ANGPTL8: variants seen among roughly 807,000 people sequenced by gnomAD.
ANGPTL8 encodes the protein angiopoietin-like protein 8.
ANGPTL8 carries 24 observed loss-of-function variants against 22.6 expected under a neutral mutation model. The observed-to-expected ratio is 1.06, with a 90% CI of 0.77 to 1.49. The LOEUF is 1.49. Among genes scored for constraint, ANGPTL8 ranks in the 40% most tolerant of loss-of-function variants. The pLI, the probability that ANGPTL8 is intolerant of heterozygous loss-of-function variation, is 0.00. For missense variants in ANGPTL8, 230 were observed against 259.6 expected, an observed-to-expected ratio of 0.89 and a Z score of 0.78; for synonymous variants, 88 against 113.4, an observed-to-expected ratio of 0.78 and a Z score of 1.42.
At chr19:11,240,427 G>A in intron 2 of ANGPTL8, 131 bp downstream of exon 2, 1 of 949,952 alleles carries the variant, frequency 1.1e-6, no homozygotes, top group Non-Finnish European at 1.5e-6. Flanking sequence ...CATGTCCCCA[G>A]ACAAAACTCA....
In ANGPTL8 at chr19:11,241,457, A is replaced by G. The variant is rs1310274964; in HGVS notation, c.472A>G (p.Lys158Glu). 1.3e-6 allele frequency: 2 copies of G among 1,550,294 alleles called. No individual in the cohort carries two copies. The highest frequency in any genetic ancestry group is 1.4e-5 in the African/African-American group (1 of 73,028). The change falls in exon 3 of 4, where the codon AAG (lysine) becomes GAG (glutamate). Residue 158 changes from lysine to glutamate, a missense_variant. Lys to Glu is a moderately conservative substitution (Grantham distance 56). Coordinates refer to ENST00000252453, the MANE Select transcript of ANGPTL8 (RefSeq NM_018687.7). ...CTGACCCCCACAGGCTCACGCTGACAAGCAGAGCCACATCCTATGGGCCCT... is the reference window on the plus strand; with the variant it reads ...CTGACCCCCACAGGCTCACGCTGACGAGCAGAGCCACATCCTATGGGCCCT... The part of the protein sequence containing the change: ...EFEVLKAHAD[K>E]QSHILWALTG...
Position 11,241,554 on chromosome 19 carries a change from G to A in ANGPTL8, c.569G>A (p.Arg190Lys), listed in dbSNP as rs772769447. The change falls in exon 3 of 4, where the codon AGA becomes AAA. Residue 190 changes from arginine to lysine, a missense_variant and splice_region_variant. Physicochemically the swap from Arg to Lys is conservative, Grantham distance 26. Transcript: ENST00000252453. ...CATCGGCTGCGACAGATCCAGGAGA[G>A]GTGAGCCTGGCAGGGGTTTGGCAGG... is the stretch of plus-strand genomic sequence containing the variant. ...QQHRLRQIQE[R>K]LHTAALPA 39 of 1,553,616 alleles carry A rather than the reference G, an allele frequency of 2.5e-5. No homozygotes were observed. The East Asian group carries it at 8.5e-4, about 34-fold the overall frequency.
Position 11,241,653 on chromosome 19 carries a change from T to C in ANGPTL8, c.570-7T>C. The C allele has an allele frequency of 1.9e-6, 3 of 1,575,506 alleles. No homozygotes were observed. The highest frequency in any genetic ancestry group is 1.7e-6 in the Non-Finnish European group (2 of 1,161,562). On this transcript the variant is annotated splice_polypyrimidine_tract_variant and splice_region_variant and intron_variant, in intron 3 of 3. Transcript: ENST00000252453. The stretch of plus-strand genomic sequence containing the variant: ...TCACCTGGGCTGAGCCACATCTCCC[T>C]CCCCAGACTCCACACAGCGGCGCTC...
intron 3 of ANGPTL8, 46 bp downstream of exon 3, chr19:11,241,600 C>A: frequency 1.3e-6 from 2 of 1,556,930 alleles, no homozygotes; most frequent in Non-Finnish European, 1.7e-6. Flanking sequence ...GGATGGGGGG[C>A]GCACAGGGCA....
chr19:11,240,967 G>A (rs370740135), intron 2 of ANGPTL8, among the ~76,000 whole-genome samples: 36 of 151,962 alleles, frequency 2.4e-4, no homozygotes, highest in African/African-American at 8.0e-4. Flanking sequence ...TATGATGGCC[G>A]GGCATGGTGG....
In ANGPTL8 at chr19:11,239,865, C is replaced by T. The variant is rs2079913671; in HGVS notation, c.228C>T (p.Leu76=). 5 of 1,598,324 alleles carry T rather than the reference C, an allele frequency of 3.1e-6. No homozygotes were observed. Among genetic ancestry groups the T allele is most frequent in the Middle Eastern group, 3.3e-4 (2 of 6,042 alleles). The change falls in exon 1 of 4, where the codon CTC becomes CTT. Residue 76 remains leucine (L), a synonymous_variant. Transcript: ENST00000252453. ...GTCTCTATGGCCGCACAATAGAACT[C>T]CTGGGGCAGGAGGTCAGCCGGGGCC... The part of the protein sequence containing the change: ...SLGLYGRTIE[L]LGQEVSRGRD...
Position 11,240,161 on chromosome 19 carries a change from G to A in ANGPTL8, c.324G>A (p.Gln108=). 1.3e-6 allele frequency: 2 copies of A among 1,552,106 alleles called. No homozygotes were observed. The highest frequency in any genetic ancestry group is 1.7e-6 in the Non-Finnish European group (2 of 1,147,282). ...TQMEEDILQL[Q]AEATAEVLGE... is the part of the protein sequence containing the mutation. ...TGGAGGAGGATATTCTGCAGCTGCAGGCAGAGGCCACAGCTGAGGTGCTGG... is the reference window on the plus strand; with the variant it reads ...TGGAGGAGGATATTCTGCAGCTGCAAGCAGAGGCCACAGCTGAGGTGCTGG... Residue 108 remains glutamine (Q), a synonymous_variant, in exon 2 of 4, where the codon CAG becomes CAA. Coordinates refer to ENST00000252453, the MANE Select transcript of ANGPTL8 (RefSeq NM_018687.7).
chr19:11,240,552 G>A (rs1341118792), intron 2 of ANGPTL8, among the ~76,000 whole-genome samples: 2 of 151,994 alleles, frequency 1.3e-5, no homozygotes, highest in African/African-American at 4.8e-5. Flanking sequence ...TTCAGCATGG[G>A]GCGGGCACAC....
chr19:11,240,924 A>G (rs1326869372), intron 2 of ANGPTL8, among the ~76,000 whole-genome samples: 1 of 151,868 alleles, frequency 6.6e-6, no homozygotes, highest in Non-Finnish European at 1.5e-5. Flanking sequence ...CCCAGTAAGT[A>G]CCCAGCACTG....
At position 11,239,734 on chromosome 19, in the gene ANGPTL8, G is replaced by C; in HGVS notation, c.97G>C (p.Glu33Gln). The C allele has an allele frequency of 6.2e-7, 1 of 1,613,254 alleles. No homozygotes were observed. The highest frequency in any genetic ancestry group is 1.1e-5 in the South Asian group (1 of 90,992). ...GGGCGGCCCAGAACTGGCACAGCAT[G>C]AGGAGCTGACCCTGCTCTTCCATGG... The part of the protein sequence containing the change: ...PMGGPELAQH[E>Q]ELTLLFHGTL... Residue 33 changes from glutamate (E) to glutamine (Q), a missense_variant, in exon 1 of 4, where the codon GAG (glutamate) becomes CAG (glutamine). Glu to Gln is a conservative substitution (Grantham distance 29). Transcript: ENST00000252453.
intron 1 of ANGPTL8, 26 bp downstream of exon 1, chr19:11,239,960 G>A (rs1195432395): frequency 1.3e-6 from 2 of 1,562,144 alleles, no homozygotes; most frequent in African/African-American, 1.4e-5. Context: ...GCGACACTGT[G>A]GGGTGGCCAG....
At position 11,241,675 on chromosome 19, in the gene ANGPTL8, G is replaced by A. The variant is rs747632185; in HGVS notation, c.585G>A (p.Ala195=). The change falls in exon 4 of 4, where the codon GCG becomes GCA. Residue 195 remains alanine (A), a synonymous_variant. Transcript: ENST00000252453. ...RQIQERLHTA[A]LPA Reference sequence around the variant, plus strand: ...CCCTCCCCAGACTCCACACAGCGGCGCTCCCAGCCTGAATCTGCCTGGATG... The same window carrying A: ...CCCTCCCCAGACTCCACACAGCGGCACTCCCAGCCTGAATCTGCCTGGATG... The A allele has an allele frequency of 1.1e-5, 18 of 1,583,118 alleles. No individual in the cohort carries two copies. The highest frequency in any genetic ancestry group is 2.3e-5 in the South Asian group (2 of 86,036).
In ANGPTL8 at chr19:11,240,273, T is replaced by A. The variant is rs2147842461; in HGVS notation, c.436T>A (p.Tyr146Asn). ...GAGGAGCGCCTGGCTGGGCCCTGCC[T>A]ACCGAGAATTTGAGGTCTTAAAGGT... ...QLRSAWLGPA[Y>N]REFEVLKAHA... Residue 146 changes from tyrosine to asparagine, a missense_variant, in exon 2 of 4, where the codon TAC (tyrosine) becomes AAC (asparagine). Coordinates refer to ENST00000252453, the MANE Select transcript of ANGPTL8 (RefSeq NM_018687.7). 1 of 1,582,108 alleles carries A rather than the reference T, an allele frequency of 6.3e-7. No homozygotes were observed. Among genetic ancestry groups the A allele is most frequent in the South Asian group, 1.2e-5 (1 of 86,604 alleles).
At chr19:11,240,057 G>A in intron 1 of ANGPTL8, 78 bp from the exon 2 acceptor site, 2 of 1,548,680 alleles carry the variant, frequency 1.3e-6, no homozygotes, top group Non-Finnish European at 1.7e-6. Flanking sequence ...AAGATTTTCA[G>A]CGATAAACTC....
Position 11,239,855 on chromosome 19 carries a change from C to T in ANGPTL8, c.218C>T (p.Thr73Ile), listed in dbSNP as rs906765465. The change falls in exon 1 of 4, where the codon ACA becomes ATA. Residue 73 changes from threonine (T) to isoleucine (I), a missense_variant. Transcript: ENST00000252453. The stretch of plus-strand genomic sequence containing the variant: ...AACAGCCTGGGTCTCTATGGCCGCA[C>T]AATAGAACTCCTGGGGCAGGAGGTC... ...ARNSLGLYGR[T>I]IELLGQEVSR... is the part of the protein sequence containing the mutation. The T allele has an allele frequency of 3.8e-6, 6 of 1,599,140 alleles. No homozygotes were observed. The highest frequency in any genetic ancestry group is 5.1e-6 in the Non-Finnish European group (6 of 1,173,332).
In ANGPTL8 at chr19:11,241,799, G is replaced by C; in HGVS notation, c.*112G>C. ...GTTCACTGGGATCAGCCAGGGCGCC[G>C]GGCCCCACTTCTGAGCACAGAGCAG... On this transcript the variant is annotated 3_prime_UTR_variant, in exon 4 of 4. Transcript: ENST00000252453. 1 of 1,508,146 alleles carries C rather than the reference G, an allele frequency of 6.6e-7. No homozygotes were observed. The highest frequency in any genetic ancestry group is 9.0e-7 in the Non-Finnish European group (1 of 1,110,574). 93.4% of individuals were successfully genotyped at this position (1,508,146 alleles called of 1,614,324 possible).
rs2079949958 is a variant in ANGPTL8, at chr19:11,241,795, C to T, written c.*108C>T. On this transcript the variant is annotated 3_prime_UTR_variant, in exon 4 of 4. Transcript: ENST00000252453. Reference sequence around the variant, plus strand: ...GCCTGTTCACTGGGATCAGCCAGGGCGCCGGGCCCCACTTCTGAGCACAGA... The same window carrying T: ...GCCTGTTCACTGGGATCAGCCAGGGTGCCGGGCCCCACTTCTGAGCACAGA... The T allele has an allele frequency of 7.3e-6, 11 of 1,511,300 alleles. No homozygotes were observed. Among genetic ancestry groups the T allele is most frequent in the Middle Eastern group, 3.4e-4 (2 of 5,852 alleles). The allele number at this position is 1,511,300 out of a possible 1,614,324, so 93.6% of individuals were successfully genotyped here. A position where few individuals can be genotyped will look rare whatever the true frequency, so the allele number is the denominator to read the frequency against.
Position 11,241,440 on chromosome 19 carries a change from C to G in ANGPTL8, c.460-5C>G, listed in dbSNP as rs1229152279. Reference sequence around the variant, plus strand: ...CGGCTGAGGTTTCCATTCTGACCCCCACAGGCTCACGCTGACAAGCAGAGC... The same window carrying G: ...CGGCTGAGGTTTCCATTCTGACCCCGACAGGCTCACGCTGACAAGCAGAGC... On this transcript the variant is annotated splice_region_variant and splice_polypyrimidine_tract_variant and intron_variant, in intron 2 of 3. Coordinates refer to ENST00000252453, the MANE Select transcript of ANGPTL8 (RefSeq NM_018687.7). 6.5e-7 allele frequency: 1 copy of G among 1,544,280 alleles called. No individual in the cohort carries two copies. Among genetic ancestry groups the G allele is most frequent in the African/African-American group, 1.4e-5 (1 of 72,986 alleles).
intron 2 of ANGPTL8, 23 bp downstream of exon 2, chr19:11,240,319 G>C: frequency 6.5e-7 from 1 of 1,529,104 alleles, no homozygotes; most frequent in Non-Finnish European, 8.8e-7. Flanking sequence ...CCCAACCCTA[G>C]TGGGCTGAGA....
Sources: gnomAD v4.1 joint callset for allele counts (sites outside exome capture counted in the v4.1 genomes callset) on GRCh38, gnomAD v4.1.1 for gene constraint, MANE v1.5 for transcripts, NCBI Gene and HGNC (gene_info 2026-07-23, HGNC 2026-07-21) for gene names.